NCKAP5: variants seen among roughly 807,000 people sequenced by gnomAD.
NCKAP5 encodes the protein NCK associated protein 5.
Under a neutral mutation model 167.0 loss-of-function variants are expected in NCKAP5, and 92 were observed. That is an observed-to-expected ratio of 0.55 (90% CI 0.47 to 0.66). The LOEUF (loss-of-function observed/expected upper bound fraction) is 0.66, where lower values mean the gene tolerates loss of function less well. Among genes scored for constraint, NCKAP5 ranks in the 30% least tolerant of loss-of-function variants. The pLI is 0.00. For synonymous variants in NCKAP5, 891 were observed against 877.4 expected, an observed-to-expected ratio of 1.02 and a Z score of -0.27; for missense variants, 2,378 against 2,315.0, an observed-to-expected ratio of 1.03 and a Z score of -0.56.
intron 19 of NCKAP5, among the ~76,000 whole-genome samples, chr2:132,705,931 C>A (rs966882549): frequency 6.6e-6 from 1 of 152,060 alleles, no homozygotes; most frequent in Non-Finnish European, 1.5e-5. Flanking sequence ...CCAGTTTATA[C>A]TGCTTTTCCT....
chr2:133,567,979 T>G (rs1688688076), intron 1 of NCKAP5, among the ~76,000 whole-genome samples: 1 of 152,178 alleles, frequency 6.6e-6, no homozygotes, highest in Non-Finnish European at 1.5e-5. Context: ...AGCCATTCAG[T>G]ATCTCCTTAT....
At chr2:133,505,356 T>C (rs1301241777) in intron 3 of NCKAP5, among the ~76,000 whole-genome samples, 1 of 152,010 alleles carries the variant, frequency 6.6e-6, no homozygotes, top group Admixed American at 6.6e-5. Context: ...GGATATGCTA[T>C]TCCACTTTTA....
At chr2:133,132,837 C>A (rs915187720) in intron 5 of NCKAP5, among the ~76,000 whole-genome samples, 2 of 151,812 alleles carry the variant, frequency 1.3e-5, no homozygotes, top group African/African-American at 4.8e-5. Context: ...CAACCACGCC[C>A]GGCTAATTTT....
chr2:132,700,963 G>T (rs953958437), intron 19 of NCKAP5, among the ~76,000 whole-genome samples: 4 of 151,274 alleles, frequency 2.6e-5, no homozygotes, highest in Non-Finnish European at 5.9e-5. Flanking sequence ...TACTAATAGG[G>T]ATATCCATCC....
chr2:133,075,327 C>T (rs547813249), intron 6 of NCKAP5, among the ~76,000 whole-genome samples: 49 of 152,052 alleles, frequency 3.2e-4, no homozygotes, highest in African/African-American at 3.9e-4. Flanking sequence ...AGTAAGTTGG[C>T]GGCATGCCTG....
intron 6 of NCKAP5, among the ~76,000 whole-genome samples, chr2:133,078,275 A>C (rs1425010130): frequency 6.6e-6 from 1 of 152,204 alleles, no homozygotes; most frequent in Non-Finnish European, 1.5e-5. Flanking sequence ...ACAGTGGCAA[A>C]AATGGAAGTG....
chr2:132,747,805 T>C (rs1489114374), intron 16 of NCKAP5, among the ~76,000 whole-genome samples: 1 of 152,226 alleles, frequency 6.6e-6, no homozygotes, highest in Non-Finnish European at 1.5e-5. Flanking sequence ...ATTTTTCCTA[T>C]GAGGAAACTG....
chr2:132,752,940 C>T (rs79147483), intron 16 of NCKAP5, among the ~76,000 whole-genome samples: 2,840 of 152,220 alleles, frequency 0.019, 86 homozygotes, highest in African/African-American at 0.065. Context: ...AAAATAATTC[C>T]CTCTTACTTG....
In NCKAP5 at chr2:132,756,483, ATGCTTTTGATTCCTC is replaced by A. The variant is rs1339899313; in HGVS notation, c.5128+17318_5128+17332del. ...AAGCATTTTGACAGAACCCAAAACT[ATGCTTTTGATTCCTC>A]CCTGCCCCACCACCAACATTCATTA... On this transcript the variant is annotated intron_variant, in intron 16 of 19. Coordinates refer to ENST00000409261, the MANE Select transcript of NCKAP5 (RefSeq NM_207363.3). 1.1e-4 allele frequency among the ~76,000 whole-genome samples: 17 copies of A among 152,242 alleles called. No homozygotes were observed. In the East Asian group the frequency reaches 3.3e-3, roughly 29 times the overall value.
At chr2:133,511,899 C>A (rs1348179706) in intron 3 of NCKAP5, among the ~76,000 whole-genome samples, 2 of 152,132 alleles carry the variant, frequency 1.3e-5, no homozygotes. Flanking sequence ...GGGCACAGGG[C>A]AAACGGTACT....
rs556355591 is a variant in NCKAP5, at chr2:133,437,680, G to A, written c.69+79778C>T. Among the ~76,000 whole-genome samples the A allele has an allele frequency of 3.4e-4, 52 of 152,212 alleles. 2 individuals carry two copies. The South Asian group carries it at 0.011, about 32-fold the overall frequency. On this transcript the variant is annotated intron_variant, in intron 3 of 19. Transcript: ENST00000409261. Reference sequence around the variant, plus strand: ...TCAGAAGGGCAGCTCTGCTTTTTATGGCCAAGGATTTAGAATCTGATGTCA... The same window carrying A: ...TCAGAAGGGCAGCTCTGCTTTTTATAGCCAAGGATTTAGAATCTGATGTCA...
intron 4 of NCKAP5, chr2:133,267,360 T>A (rs989661349): frequency 7.2e-5 from 11 of 152,202 alleles, no homozygotes; most frequent in African/African-American, 2.7e-4. Context: ...CAAACAGGTC[T>A]CTTAATCTTA....
chr2:133,201,615 C>A (rs1464311188), intron 5 of NCKAP5, among the ~76,000 whole-genome samples: 2 of 152,080 alleles, frequency 1.3e-5, no homozygotes, highest in African/African-American at 2.4e-5. Context: ...ATATTCTATA[C>A]CTGGATCAGG....
intron 5 of NCKAP5, among the ~76,000 whole-genome samples, chr2:133,132,675 A>ATT (rs35497758): frequency 9.3e-5 from 13 of 139,320 alleles, no homozygotes; most frequent in African/African-American, 5.3e-5. Flanking sequence ...TTTGTACCCA[A>ATT]TTTTTTTTTT....
chr2:133,516,076 T>A (rs796954613), intron 3 of NCKAP5, among the ~76,000 whole-genome samples: 20 of 152,318 alleles, frequency 1.3e-4, no homozygotes, highest in African/African-American at 4.8e-4. Flanking sequence ...GTTAAGAGAA[T>A]CTTTCTTGAG....
intron 16 of NCKAP5, among the ~76,000 whole-genome samples, chr2:132,740,280 G>A (rs1679065601): frequency 6.6e-6 from 1 of 152,138 alleles, no homozygotes; most frequent in African/African-American, 2.4e-5. Flanking sequence ...TAATTGGCAT[G>A]CATTCCTATA....
intron 4 of NCKAP5, among the ~76,000 whole-genome samples, chr2:133,229,587 C>A (rs2087049170): frequency 6.6e-6 from 1 of 152,150 alleles, no homozygotes; most frequent in African/African-American, 2.4e-5. Flanking sequence ...CTTACCCCAA[C>A]CATGACGTAG....
chr2:133,427,806 T>C (rs1353773720), intron 3 of NCKAP5, among the ~76,000 whole-genome samples: 1 of 151,976 alleles, frequency 6.6e-6, no homozygotes, highest in Non-Finnish European at 1.5e-5. Context: ...TCACTGGAAA[T>C]AAGATACATA....
At chr2:133,267,301 C>T (rs1415579651) in intron 4 of NCKAP5, 2 of 137,834 alleles carry the variant, frequency 1.5e-5, no homozygotes, top group East Asian at 4.2e-4. Context: ...GCCCCCACCC[C>T]CAGCCTCAGC....
Sources: gnomAD v4.1 joint callset for allele counts (sites outside exome capture counted in the v4.1 genomes callset) on GRCh38, gnomAD v4.1.1 for gene constraint, MANE v1.5 for transcripts, NCBI Gene and HGNC (gene_info 2026-07-23, HGNC 2026-07-21) for gene names.